Variants in WFDC1 observed in about 807,000 individuals in gnomAD.
WFDC1 encodes WAP four-disulfide core domain protein 1.
In WFDC1, 39 loss-of-function variants were observed where a neutral mutation model predicts 32.9. The ratio of observed to expected loss-of-function variants is 1.19; its 90% CI spans 0.92 to 1.55. WFDC1 has a LOEUF of 1.55. WFDC1 is among the 40% of genes most tolerant of loss of function. The probability of loss-of-function intolerance (pLI) is 0.00; values close to 1 mark genes in which losing one functional copy is unlikely to be tolerated. For synonymous variants in WFDC1, 184 were observed against 137.4 expected, an observed-to-expected ratio of 1.34 and a Z score of -2.37; for missense variants, 386 against 309.5, an observed-to-expected ratio of 1.25 and a Z score of -1.85.
chr16:84,317,933 G>A (rs895146890), intron 2 of WFDC1: 4 of 268,220 alleles, frequency 1.5e-5, no homozygotes, highest in Admixed American at 8.3e-5. Context: ...CACATGGTCA[G>A]AATGGCCCCC....
intron 5 of WFDC1, chr16:84,325,999 C>T (rs889914370): frequency 6.6e-6 from 1 of 151,594 alleles, no homozygotes; most frequent in African/African-American, 2.4e-5. Context: ...TGTATCCATT[C>T]ATCCATCCAC....
intron 1 of WFDC1, among the ~76,000 whole-genome samples, chr16:84,300,044 C>A (rs1281479451): frequency 6.6e-6 from 1 of 152,224 alleles, no homozygotes; most frequent in Non-Finnish European, 1.5e-5. Context: ...TGAGAGCCTT[C>A]CAAACATCCT....
chr16:84,329,449 C>G lies in WFDC1; in HGVS notation c.*143C>G, dbSNP rs894672160. On this transcript the variant is annotated 3_prime_UTR_variant, in exon 7 of 7. Coordinates refer to ENST00000219454, the MANE Select transcript of WFDC1 (RefSeq NM_021197.4). Reference sequence around the variant, plus strand: ...CCCAGAGATGCTTAGAGACAGGACACCTGGCCATCAAACCCAGTTTGGCCC... The same window carrying G: ...CCCAGAGATGCTTAGAGACAGGACAGCTGGCCATCAAACCCAGTTTGGCCC... 1 of 152,166 alleles carries G rather than the reference C, an allele frequency of 6.6e-6. No individual in the cohort carries two copies. The highest frequency in any genetic ancestry group is 1.5e-5 in the Non-Finnish European group (1 of 68,044). 9.4% of individuals were successfully genotyped at this position (152,166 alleles called of 1,614,324 possible). A position where few individuals can be genotyped will look rare whatever the true frequency, so the allele number is the denominator to read the frequency against.
At chr16:84,326,672 G>T (rs976961778) in intron 5 of WFDC1, 44 of 570,326 alleles carry the variant, frequency 7.7e-5, no homozygotes, top group African/African-American at 7.7e-4. Flanking sequence ...TGGGAGGTAA[G>T]ACCAGAAACA....
At chr16:84,299,279 G>T (rs1906792228) in intron 1 of WFDC1, among the ~76,000 whole-genome samples, 2 of 152,016 alleles carry the variant, frequency 1.3e-5, no homozygotes, top group Admixed American at 1.3e-4. Context: ...TAGGAGAATT[G>T]CTTGAACCCT....
intron 4 of WFDC1, among the ~76,000 whole-genome samples, chr16:84,322,954 C>A (rs1355732518): frequency 6.6e-6 from 1 of 152,088 alleles, no homozygotes; most frequent in Admixed American, 6.5e-5. Flanking sequence ...GACGAGTAAT[C>A]ATTTTTGGTA....
At chr16:84,320,865 C>G (rs1420166332) in intron 4 of WFDC1, among the ~76,000 whole-genome samples, 1 of 91,590 alleles carries the variant, frequency 1.1e-5, no homozygotes, top group East Asian at 4.3e-4. Context: ...CTGCCAAAAC[C>G]TCTTTTTTTT....
Position 84,306,786 on chromosome 16 carries a change from C to CATCATT in WFDC1, c.145-6171_145-6170insTTATCA, listed in dbSNP as rs779204718. On this transcript the variant is annotated intron_variant, in intron 1 of 6. Transcript: ENST00000219454. The stretch of plus-strand genomic sequence containing the variant: ...TCCTCATCTTCATCATCATCATCAT[C>CATCATT]ATCACAGCTTTTGTTCCACCCGAAG... Among the ~76,000 whole-genome samples the CATCATT allele has an allele frequency of 1.2e-3, 183 of 152,240 alleles. 1 individual carries two copies. Among genetic ancestry groups the CATCATT allele is most frequent in the Non-Finnish European group, 1.8e-3 (121 of 68,010 alleles).
Position 84,298,295 on chromosome 16 carries a change from G to A in WFDC1, c.144+3180G>A, listed in dbSNP as rs139549963. Among the ~76,000 whole-genome samples, 11 of 152,138 alleles carry A rather than the reference G, an allele frequency of 7.2e-5. No individual in the cohort carries two copies. In the East Asian group the frequency reaches 2.1e-3, roughly 29 times the overall value. ...GCTAATTTTTTGTATTTTTAGTAGA[G>A]ATGGGGTTTTGCTGGTCTCAAACTC... On this transcript the variant is annotated intron_variant, in intron 1 of 6. Coordinates refer to ENST00000219454, the MANE Select transcript of WFDC1 (RefSeq NM_021197.4).
At chr16:84,297,478 G>T (rs1384160972) in intron 1 of WFDC1, among the ~76,000 whole-genome samples, 1 of 152,104 alleles carries the variant, frequency 6.6e-6, no homozygotes, top group East Asian at 1.9e-4. Flanking sequence ...TTAGCTGGGT[G>T]TGGCGGCAAA....
At chr16:84,305,649 A>C (rs1175822271) in intron 1 of WFDC1, among the ~76,000 whole-genome samples, 1 of 152,184 alleles carries the variant, frequency 6.6e-6, no homozygotes, top group Non-Finnish European at 1.5e-5. Context: ...ATGAAGAAAG[A>C]CTGGAAGATA....
chr16:84,314,998 G>C (rs1389300512), intron 2 of WFDC1, among the ~76,000 whole-genome samples: 1 of 152,226 alleles, frequency 6.6e-6, no homozygotes, highest in Admixed American at 6.5e-5. Context: ...TGTCACAACT[G>C]AAGCTCAGAG....
intron 1 of WFDC1, among the ~76,000 whole-genome samples, chr16:84,300,587 C>T (rs1906876297): frequency 6.6e-6 from 1 of 152,166 alleles, no homozygotes; most frequent in Admixed American, 6.5e-5. Context: ...TTTTTGGAAA[C>T]AGGTTCATTA....
At position 84,313,032 on chromosome 16, in the gene WFDC1, G is replaced by A; in HGVS notation, c.216G>A (p.Thr72=). The change falls in exon 2 of 7, where the codon ACG becomes ACA. Residue 72 remains threonine, a synonymous_variant. Coordinates refer to ENST00000219454, the MANE Select transcript of WFDC1 (RefSeq NM_021197.4). ...ACCGCTGCCCGCCGCCTCCGCGGAC[G>A]CTGCCCCCCGGCGCCTGCCAGGCCG... ...RADRCPPPPR[T]LPPGACQAAR... 4 of 1,343,340 alleles carry A rather than the reference G, an allele frequency of 3.0e-6. No individual in the cohort carries two copies. In the South Asian group the frequency reaches 5.5e-5, roughly 18 times the overall value. 83.2% of individuals were successfully genotyped at this position (1,343,340 alleles called of 1,614,324 possible). A position where few individuals can be genotyped will look rare whatever the true frequency, so the allele number is the denominator to read the frequency against.
chr16:84,313,044 C>A lies in WFDC1; in HGVS notation c.228C>A (p.Gly76=). ...CGCCTCCGCGGACGCTGCCCCCCGG[C>A]GCCTGCCAGGCCGCGCGCTGTCAGG... ...CPPPPRTLPP[G]ACQAARCQAD... The change falls in exon 2 of 7, where the codon GGC becomes GGA. Residue 76 remains glycine (G), a synonymous_variant. Coordinates refer to ENST00000219454, the MANE Select transcript of WFDC1 (RefSeq NM_021197.4). The A allele has an allele frequency of 1.5e-6, 2 of 1,372,550 alleles. No individual in the cohort carries two copies. The highest frequency in any genetic ancestry group is 1.9e-6 in the Non-Finnish European group (2 of 1,064,480). The allele number at this position is 1,372,550 out of a possible 1,614,324, so 85.0% of individuals were successfully genotyped here.
chr16:84,302,617 C>A (rs1270512074), intron 1 of WFDC1, among the ~76,000 whole-genome samples: 1 of 152,202 alleles, frequency 6.6e-6, no homozygotes, highest in Admixed American at 6.5e-5. Flanking sequence ...TACATAAGAG[C>A]CCAGCTCTTC....
At chr16:84,303,676 A>C (rs939786154) in intron 1 of WFDC1, among the ~76,000 whole-genome samples, 1 of 152,222 alleles carries the variant, frequency 6.6e-6, no homozygotes, top group East Asian at 1.9e-4. Flanking sequence ...TATTGAAATG[A>C]AATTCACATG....
chr16:84,312,794 C>A (rs964204116), intron 1 of WFDC1, among the ~76,000 whole-genome samples, 167 bp from the exon 2 acceptor site: 1 of 152,194 alleles, frequency 6.6e-6, no homozygotes, highest in South Asian at 2.1e-4. Context: ...TATCTTCTGA[C>A]CTTCTGAGCC....
intron 1 of WFDC1, among the ~76,000 whole-genome samples, chr16:84,308,735 G>C (rs1356469644): frequency 6.6e-6 from 1 of 152,078 alleles, no homozygotes; most frequent in African/African-American, 2.4e-5. Flanking sequence ...GCCAGCCTGG[G>C]TGTAGACGCC....
Sources: allele counts gnomAD v4.1 joint callset (sites outside exome capture counted in the v4.1 genomes callset), GRCh38; gene constraint gnomAD v4.1.1; transcripts MANE v1.5; gene names NCBI Gene and HGNC (gene_info 2026-07-23, HGNC 2026-07-21).